RIC8A: variants seen among roughly 807,000 people sequenced by gnomAD.
RIC8A encodes the protein RIC8 guanine nucleotide exchange factor A, also known as chaperone Ric-8A.
Under a neutral mutation model 48.4 loss-of-function variants are expected in RIC8A, and 37 were observed. That is an observed-to-expected ratio of 0.77 (90% CI 0.59 to 1.01). The LOEUF is 1.01. RIC8A is among the 50% of genes least tolerant of loss of function. The pLI is 0.00. For missense variants in RIC8A, 681 were observed against 696.8 expected (o/e 0.98, Z 0.25); for synonymous variants, 288 against 283.4 (o/e 1.02, Z -0.16).
intron 3 of RIC8A, among the ~76,000 whole-genome samples, 177 bp downstream of exon 3, chr11:210,177 G>T (rs1855316386): frequency 6.6e-6 from 1 of 152,208 alleles, no homozygotes; most frequent in Non-Finnish European, 1.5e-5. Flanking sequence ...CTCAGGAAAG[G>T]CTTCTGAGGG....
intron 3 of RIC8A, 144 bp from the exon 4 acceptor site, chr11:210,427 G>T: frequency 1.2e-6 from 1 of 834,842 alleles, no homozygotes; most frequent in Non-Finnish European, 2.1e-6. Context: ...AGTCACCTAG[G>T]AAGACCCCAG....
intron 9 of RIC8A, chr11:213,897 A>G: frequency 3.1e-6 from 1 of 324,432 alleles, no homozygotes; most frequent in Admixed American, 4.8e-5. Flanking sequence ...CAGTGAGCTG[A>G]CATTGTGCCA....
Position 212,436 on chromosome 11 carries a change from T to C in RIC8A, c.990T>C (p.Ser330=). ...RLHKTHRLKE[S]VAPVLSVLTE... ...TACAGACACACAGGCTGAAGGAGAG[T>C]GTAGCTCCCGTGCTGAGCGTGCTGA... Residue 330 remains serine (S), a synonymous_variant, in exon 6 of 10, where the codon AGT becomes AGC. Transcript: ENST00000526104. 3 of 1,613,538 alleles carry C rather than the reference T, an allele frequency of 1.9e-6. No homozygotes were observed. Among genetic ancestry groups the C allele is most frequent in the South Asian group, 1.1e-5 (1 of 91,020 alleles).
In RIC8A at chr11:212,445, C is replaced by G. The variant is rs372523925; in HGVS notation, c.999C>G (p.Pro333=). Residue 333 remains proline, a synonymous_variant, in exon 6 of 10, where the codon CCC becomes CCG. Coordinates refer to ENST00000526104, the MANE Select transcript of RIC8A (RefSeq NM_001286134.2). ...ACAGGCTGAAGGAGAGTGTAGCTCC[C>G]GTGCTGAGCGTGCTGACTGAATGTG... ...KTHRLKESVA[P]VLSVLTECAR... 11 of 1,613,852 alleles carry G rather than the reference C, an allele frequency of 6.8e-6. No individual in the cohort carries two copies. The highest frequency in any genetic ancestry group is 9.3e-6 in the Non-Finnish European group (11 of 1,179,956).
Position 209,522 on chromosome 11 carries a change from TCAC to T in RIC8A, c.251_253del (p.Thr84del). Reference sequence around the variant, plus strand: ...CGGGACCGCAACTGCCTGGACCCGTTCACCAGCCGCCAGAGCCTGCAGGCACTA... The same window carrying T: ...CGGGACCGCAACTGCCTGGACCCGTTCAGCCGCCAGAGCCTGCAGGCACTA... On this transcript the variant is annotated inframe_deletion, in exon 3 of 10. Coordinates refer to ENST00000526104, the MANE Select transcript of RIC8A (RefSeq NM_001286134.2). 6.2e-7 allele frequency: 1 copy of T among 1,613,958 alleles called. No homozygotes were observed. Among genetic ancestry groups the T allele is most frequent in the Non-Finnish European group, 8.5e-7 (1 of 1,180,002 alleles).
Position 211,090 on chromosome 11 carries a change from T to G in RIC8A, c.819-109T>G. 1.0e-5 allele frequency: 13 copies of G among 1,253,528 alleles called. No homozygotes were observed. Among genetic ancestry groups the G allele is most frequent in the Non-Finnish European group, 1.2e-5 (11 of 895,244 alleles). The allele number at this position is 1,253,528 out of a possible 1,614,324, so 77.7% of individuals were successfully genotyped here. A position where few individuals can be genotyped will look rare whatever the true frequency, so the allele number is the denominator to read the frequency against. On this transcript the variant is annotated intron_variant, in intron 4 of 9. Transcript: ENST00000526104. The surrounding 1 kb of genome is among the most constrained non-coding windows in gnomAD (Gnocchi z 4.0). ...GCTTTGGTCCCTAGCGCTGCCCCTT[T>G]GGGACTCAGATGCCAGCTCATGTAA... is the stretch of plus-strand genomic sequence containing the variant.
intron 3 of RIC8A, 146 bp downstream of exon 3, chr11:210,146 A>T: frequency 1.3e-6 from 1 of 749,170 alleles, no homozygotes; most frequent in Non-Finnish European, 2.1e-6. Flanking sequence ...GGCCAAGGAG[A>T]TGCCAGTTCT....
Position 208,847 on chromosome 11 carries a change from G to A in RIC8A, c.-8G>A. On this transcript the variant is annotated 5_prime_UTR_variant, in exon 1 of 10. Coordinates refer to ENST00000526104, the MANE Select transcript of RIC8A (RefSeq NM_001286134.2). This position sits in a 1 kb window ranked among gnomAD's most constrained non-coding sequence, Gnocchi z 4.8. ...AGGAAGGGCCCGTCCCGCCTTCCCC[G>A]GCGCGCCATGGAGCCCCGGGCGGTT... is the stretch of plus-strand genomic sequence containing the variant. 2 of 1,606,638 alleles carry A rather than the reference G, an allele frequency of 1.2e-6. No individual in the cohort carries two copies. Among genetic ancestry groups the A allele is most frequent in the Non-Finnish European group, 1.7e-6 (2 of 1,177,424 alleles).
intron 3 of RIC8A, among the ~76,000 whole-genome samples, 176 bp downstream of exon 3, chr11:210,176 G>A (rs1424921466): frequency 6.6e-6 from 1 of 152,220 alleles, no homozygotes; most frequent in African/African-American, 2.4e-5. Context: ...CCTCAGGAAA[G>A]GCTTCTGAGG....
In RIC8A at chr11:214,706, T is replaced by C; in HGVS notation, c.*356T>C. The stretch of plus-strand genomic sequence containing the variant: ...GGGAGGGCAGGGGTTTGGGTGTGGG[T>C]GCACACAAAGCAAGCACCATCTGGG... On this transcript the variant is annotated 3_prime_UTR_variant, in exon 10 of 10. Coordinates refer to ENST00000526104, the MANE Select transcript of RIC8A (RefSeq NM_001286134.2). The C allele has an allele frequency of 2.6e-6, 1 of 377,726 alleles. No individual in the cohort carries two copies. Among genetic ancestry groups the C allele is most frequent in the Non-Finnish European group, 5.1e-6 (1 of 195,612 alleles). The allele number at this position is 377,726 out of a possible 1,614,324, so 23.4% of individuals were successfully genotyped here. A position where few individuals can be genotyped will look rare whatever the true frequency, so the allele number is the denominator to read the frequency against.
In RIC8A at chr11:208,738, C is replaced by T; in HGVS notation, c.-117C>T. ...CCCGTTAAAGCGCCACCAGACGCCG[C>T]GCCCCGTCCCGGCCTCCCCCGCGCG... On this transcript the variant is annotated 5_prime_UTR_variant, in exon 1 of 10. Transcript: ENST00000526104. The surrounding 1 kb of genome is among the most constrained non-coding windows in gnomAD (Gnocchi z 4.8). 3 of 683,006 alleles carry T rather than the reference C, an allele frequency of 4.4e-6. No homozygotes were observed. Among genetic ancestry groups the T allele is most frequent in the Non-Finnish European group, 6.9e-6 (3 of 433,856 alleles). The allele number at this position is 683,006 out of a possible 1,614,324, so 42.3% of individuals were successfully genotyped here. A position where few individuals can be genotyped will look rare whatever the true frequency, so the allele number is the denominator to read the frequency against.
rs757064914 is a variant in RIC8A at position 209,757 on chromosome 11, G to A, written c.483G>A (p.Gln161=). The A allele has an allele frequency of 1.2e-6, 2 of 1,614,078 alleles. No individual in the cohort carries two copies. The highest frequency in any genetic ancestry group is 1.7e-6 in the Non-Finnish European group (2 of 1,180,028). The change falls in exon 3 of 10, where the codon CAG becomes CAA. Residue 161 remains glutamine (Q), a synonymous_variant. Coordinates refer to ENST00000526104, the MANE Select transcript of RIC8A (RefSeq NM_001286134.2). ...YRERSFPHDV[Q]FFDLRLLFLL... ...AGAGGAGCTTCCCCCACGATGTCCAGTTCTTTGACTTGCGGCTCCTCTTCC... is the reference window on the plus strand; with the variant it reads ...AGAGGAGCTTCCCCCACGATGTCCAATTCTTTGACTTGCGGCTCCTCTTCC...
intron 3 of RIC8A, 81 bp downstream of exon 3, chr11:210,081 A>G: frequency 1.6e-6 from 2 of 1,256,662 alleles, no homozygotes; most frequent in Non-Finnish European, 2.2e-6. Flanking sequence ...GGGTACCTTC[A>G]GGTTTCTGGG....
rs1432222390 is a variant in RIC8A, at chr11:212,781, C to G, written c.1210+22C>G. On this transcript the variant is annotated intron_variant, in intron 7 of 9. Transcript: ENST00000526104. ...AGTGGTGAGTTATGGAGACCCAGGT[C>G]CCAGCCCACCCCACCTCAGCCAGGC... 5.0e-6 allele frequency: 8 copies of G among 1,612,700 alleles called. No individual in the cohort carries two copies. In the Admixed American group the frequency reaches 1.3e-4, roughly 27 times the overall value.
chr11:210,903 T>G (rs1855341041), intron 4 of RIC8A: 1 of 603,804 alleles, frequency 1.7e-6, no homozygotes, highest in East Asian at 2.8e-5. Context: ...TGTCCCCGTT[T>G]TTGGTCTACC....
Position 214,335 on chromosome 11 carries a change from C to T in RIC8A, c.1581C>T (p.Asp527=), listed in dbSNP as rs1405564752. 2.5e-6 allele frequency: 4 copies of T among 1,604,240 alleles called. No individual in the cohort carries two copies. Among genetic ancestry groups the T allele is most frequent in the Non-Finnish European group, 3.4e-6 (4 of 1,175,446 alleles). The change falls in exon 10 of 10, where the codon GAC becomes GAT. Residue 527 remains aspartate (D), a synonymous_variant. Coordinates refer to ENST00000526104, the MANE Select transcript of RIC8A (RefSeq NM_001286134.2). ...TMEQQLSSDP[D]SDPD ...AGCAGCAGCTCTCCTCGGACCCTGA[C>T]TCGGACCCTGACTGAGGATGGCAGC...
At chr11:213,664 G>A in intron 9 of RIC8A, 1 of 425,430 alleles carries the variant, frequency 2.4e-6, no homozygotes, top group South Asian at 2.6e-5. Context: ...ACTGTCTAAG[G>A]CCGGGCGTGG....
Position 210,566 on chromosome 11 carries a change from G to A in RIC8A, c.727-5G>A, listed in dbSNP as rs761219922. ...CCTCACAGGAACCCTTCTTTCTTTG[G>A]TCAGGAAGACGCTGCCCTTTACCGA... On this transcript the variant is annotated splice_polypyrimidine_tract_variant and splice_region_variant and intron_variant, in intron 3 of 9. Coordinates refer to ENST00000526104, the MANE Select transcript of RIC8A (RefSeq NM_001286134.2). The A allele has an allele frequency of 6.2e-6, 10 of 1,614,002 alleles. No homozygotes were observed. Among genetic ancestry groups the A allele is most frequent in the South Asian group, 1.1e-5 (1 of 91,078 alleles).
chr11:213,069 C>G, intron 8 of RIC8A, 88 bp downstream of exon 8: 1 of 1,470,210 alleles, frequency 6.8e-7, no homozygotes. Context: ...TAGGGTGGGA[C>G]AGGATGACAA....
Sources: allele counts gnomAD v4.1 joint callset (sites outside exome capture counted in the v4.1 genomes callset), GRCh38; gene constraint gnomAD v4.1.1; non-coding constraint Gnocchi (gnomAD v3.1); transcripts MANE v1.5; gene names NCBI Gene and HGNC (gene_info 2026-07-23, HGNC 2026-07-21).